The following HDAC6 variants were observed in gnomAD, a reference collection of about 807,000 sequenced individuals.
HDAC6 encodes protein deacetylase HDAC6.
HDAC6 carries 5 observed loss-of-function variants against 88.9 expected under a neutral mutation model. The ratio of observed to expected loss-of-function variants is 0.06; its 90% CI spans 0.03 to 0.12. The LOEUF (loss-of-function observed/expected upper bound fraction) is 0.12. Among genes scored for constraint, HDAC6 ranks in the 10% least tolerant of loss-of-function variants. HDAC6 has a pLI of 1.00. For missense variants in HDAC6, 706 were observed against 1,014.4 expected, an observed-to-expected ratio of 0.70 and a Z score of 4.13; for synonymous variants, 378 against 398.0, an observed-to-expected ratio of 0.95 and a Z score of 0.60.
At chrX:48,807,420 T>G (rs1292865284) in intron 8 of HDAC6, among the ~76,000 whole-genome samples, 1 of 113,393 alleles carries the variant, frequency 8.8e-6, no homozygotes, top group Non-Finnish European at 1.9e-5. Context: ...AAAATGTTAC[T>G]TCACCCTTTT....
At chrX:48,820,016 C>A in intron 22 of HDAC6, 90 bp from the exon 23 acceptor site, 1 of 946,170 alleles carries the variant, frequency 1.1e-6, no homozygotes, top group Non-Finnish European at 1.5e-6. Context: ...TTCATTTGTC[C>A]TTTTCTCCAT....
chrX:48,804,247 C>T (rs1325904037), intron 4 of HDAC6, among the ~76,000 whole-genome samples: 3 of 112,109 alleles, frequency 2.7e-5, no homozygotes, highest in African/African-American at 9.7e-5. Context: ...ATCCTGGCCT[C>T]AAAGGTTCCA....
Position 48,824,966 on chromosome X carries a change from C to G in HDAC6, c.*354C>G, listed in dbSNP as rs954849565. 18 of 1,008,423 alleles carry G rather than the reference C, an allele frequency of 1.8e-5. No homozygotes were observed. Among genetic ancestry groups the G allele is most frequent in the Non-Finnish European group, 2.3e-5 (18 of 781,181 alleles). 83.1% of individuals were successfully genotyped at this position (1,008,423 alleles called of 1,213,427 possible). ...GGTTGCATATGTAATAAAGTACAAG[C>G]TGTTAAAAAACCTGGAGAAAGCTTT... On this transcript the variant is annotated 3_prime_UTR_variant, in exon 29 of 29. Coordinates refer to ENST00000334136, the MANE Select transcript of HDAC6 (RefSeq NM_006044.4).
Position 48,820,223 on chromosome X carries a change from C to T in HDAC6, c.2305C>T (p.Leu769Phe). 8.3e-7 allele frequency: 1 copy of T among 1,203,260 alleles called. No individual in the cohort carries two copies. Among genetic ancestry groups the T allele is most frequent in the Non-Finnish European group, 1.1e-6 (1 of 890,745 alleles). The change falls in exon 23 of 29, where the codon CTT becomes TTT. Residue 769 changes from leucine to phenylalanine, a missense_variant. Leu to Phe is a conservative substitution (Grantham distance 22, BLOSUM62 0). Transcript: ENST00000334136. ...YAHLTHLLMG[L>F]ASGRIILILE... ...CCACCTCACCCACCTGCTGATGGGC[C>T]TTGCCAGTGGCCGCATTATCCTTAT...
rs781946147 is a variant in HDAC6, at chrX:48,818,326, G to A, written c.2101G>A (p.Val701Ile). Reference protein sequence around the residue: ...IGRAAGTGFTVNVAWNGPRMG... With the variant: ...IGRAAGTGFTINVAWNGPRMG... ...CCGGGCTGCGGGCACAGGCTTCACC[G>A]TCAACGTGGCATGGAACGGGCCCCG... Residue 701 changes from valine (V) to isoleucine (I), a missense_variant, in exon 22 of 29, where the codon GTC (valine) becomes ATC (isoleucine). Val to Ile is a conservative substitution (Grantham distance 29). This residue lies in a region of HDAC6 where 138 missense variants were observed against 303.5 expected (regional missense o/e 0.45). Coordinates refer to ENST00000334136, the MANE Select transcript of HDAC6 (RefSeq NM_006044.4). 1.3e-5 allele frequency: 16 copies of A among 1,204,948 alleles called. No homozygotes were observed. Among genetic ancestry groups the A allele is most frequent in the Middle Eastern group, 2.3e-4 (1 of 4,344 alleles).
At position 48,805,513 on chromosome X, in the gene HDAC6, G is replaced by C. The variant is rs781795232; in HGVS notation, c.387G>C (p.Val129=). The change falls in exon 5 of 29, where the codon GTG becomes GTC. Residue 129 remains valine, a synonymous_variant. Coordinates refer to ENST00000334136, the MANE Select transcript of HDAC6 (RefSeq NM_006044.4). ...LIQEGLLDRC[V]SFQARFAEKE... is the part of the protein sequence containing the mutation. ...AGGAGGGCCTCCTAGATCGCTGCGTGTCCTTTCAGGTAAGGCCCCCAAGCC... is the reference window on the plus strand; with the variant it reads ...AGGAGGGCCTCCTAGATCGCTGCGTCTCCTTTCAGGTAAGGCCCCCAAGCC... The C allele has an allele frequency of 1.7e-6, 2 of 1,205,621 alleles. No homozygotes were observed. The highest frequency in any genetic ancestry group is 4.4e-5 in the Admixed American group (2 of 45,592).
intron 10 of HDAC6, among the ~76,000 whole-genome samples, chrX:48,810,291 G>A (rs1412901517): frequency 9.1e-6 from 1 of 109,776 alleles, no homozygotes; most frequent in Non-Finnish European, 1.9e-5. Flanking sequence ...TGCCCAGACT[G>A]GTCTCGAACT....
chrX:48,819,475 CAT>C (rs2063044691), intron 22 of HDAC6: 1 of 134,230 alleles, frequency 7.4e-6, no homozygotes, highest in African/African-American at 3.3e-5. Context: ...TGTGTGAGGA[CAT>C]GTCTCTGTCT....
Position 48,816,122 on chromosome X carries a change from C to T in HDAC6, c.1494-19C>T. 1 of 1,210,977 alleles carries T rather than the reference C, an allele frequency of 8.3e-7. No homozygotes were observed. The highest frequency in any genetic ancestry group is 2.3e-4 in the Middle Eastern group (1 of 4,353). On this transcript the variant is annotated intron_variant, in intron 17 of 28. Transcript: ENST00000334136. ...CCCCTCAGGCACTAAGCCTCTACCT[C>T]TCGTTTCCCCACTGCTAGCCACCAC...
chrX:48,819,194 T>C (rs2063039258), intron 22 of HDAC6, among the ~76,000 whole-genome samples: 1 of 112,283 alleles, frequency 8.9e-6, no homozygotes, highest in Non-Finnish European at 1.9e-5. Flanking sequence ...GGTGATGGCA[T>C]GTGTATGTGA....
intron 4 of HDAC6, among the ~76,000 whole-genome samples, chrX:48,805,007 G>C (rs2062791052): frequency 9.0e-6 from 1 of 111,348 alleles, no homozygotes; most frequent in African/African-American, 3.3e-5. Context: ...TGTAGGTGAA[G>C]CGAAGCAAAG....
chrX:48,811,223 G>A (rs1557025845), intron 10 of HDAC6, among the ~76,000 whole-genome samples: 1 of 111,907 alleles, frequency 8.9e-6, no homozygotes, highest in Non-Finnish European at 1.9e-5. Context: ...AGAATCGCTT[G>A]AACCCAGGAG....
intron 22 of HDAC6, 73 bp downstream of exon 22, chrX:48,818,485 G>C: frequency 1.1e-6 from 1 of 881,902 alleles, no homozygotes; most frequent in Non-Finnish European, 1.6e-6. Context: ...TGCCTCCTTG[G>C]CATGTGTGTG....
chrX:48,815,002 C>G lies in HDAC6; in HGVS notation c.1100C>G (p.Thr367Ser). 8.3e-7 allele frequency: 1 copy of G among 1,208,041 alleles called. No homozygotes were observed. The highest frequency in any genetic ancestry group is 1.1e-6 in the Non-Finnish European group (1 of 893,618). The change falls in exon 14 of 29, where the codon ACC (threonine) becomes AGC (serine). Residue 367 changes from threonine to serine, a missense_variant. Transcript: ENST00000334136. The part of the protein sequence containing the change: ...AATPAGFAQL[T>S]HLLMGLAGGK... ...ACTCCGGCAGGGTTCGCCCAGCTAA[C>G]CCACCTGCTCATGGGTCTGGCAGGA...
rs1453359183 is a variant in HDAC6, at chrX:48,818,197, G to A, written c.1995-23G>A. ...TGGAGCCCCTAACCAGCCATGGTCC[G>A]CTTCCCACCCCCTCCCTGGCAGTGT... On this transcript the variant is annotated intron_variant, in intron 21 of 28. Transcript: ENST00000334136. 6.8e-6 allele frequency: 8 copies of A among 1,173,827 alleles called. No homozygotes were observed. The African/African-American group carries it at 7.1e-5, about 10-fold the overall frequency.
At chrX:48,824,324 G>A (rs782229341) in intron 28 of HDAC6, 30 bp downstream of exon 28, 6 of 1,193,103 alleles carry the variant, frequency 5.0e-6, no homozygotes, top group Non-Finnish European at 5.6e-6. Context: ...TTCGACACGT[G>A]CACACTCACC....
rs782340408 is a variant in HDAC6 at position 48,823,051 on chromosome X, G to A, written c.2652G>A (p.Ser884=). The A allele has an allele frequency of 3.6e-5, 44 of 1,209,239 alleles. No homozygotes were observed. Among genetic ancestry groups the A allele is most frequent in the Non-Finnish European group, 4.7e-5 (42 of 894,875 alleles). The change falls in exon 25 of 29, where the codon TCG becomes TCA. Residue 884 remains serine (S), a synonymous_variant. Transcript: ENST00000334136. ...VLEAGMGKVT[S]ASFGEESTPG... is the part of the protein sequence containing the mutation. ...AAGCAGGCATGGGGAAAGTCACCTCGGCATCATTTGGGGAAGAGTCCACTC... is the reference window on the plus strand; with the variant it reads ...AAGCAGGCATGGGGAAAGTCACCTCAGCATCATTTGGGGAAGAGTCCACTC...
chrX:48,804,307 G>A (rs1201189266), intron 4 of HDAC6, among the ~76,000 whole-genome samples: 1 of 111,157 alleles, frequency 9.0e-6, no homozygotes, highest in Non-Finnish European at 1.9e-5. Context: ...AATCCTTCTC[G>A]CCCACACTAC....
chrX:48,802,704 C>A lies in HDAC6; in HGVS notation c.12C>A (p.Thr4=), dbSNP rs1557022771. 4.1e-6 allele frequency: 5 copies of A among 1,205,667 alleles called. No homozygotes were observed. The highest frequency in any genetic ancestry group is 5.6e-6 in the Non-Finnish European group (5 of 893,137). ...AAGCCTCCTCAACTATGACCTCAAC[C>A]GGCCAGGATTCCACCACAACCAGGC... MTS[T]GQDSTTTRQR... The change falls in exon 2 of 29, where the codon ACC becomes ACA. Residue 4 remains threonine (T), a synonymous_variant. Transcript: ENST00000334136.
Sources: allele counts gnomAD v4.1 joint callset (sites outside exome capture counted in the v4.1 genomes callset), GRCh38; gene constraint gnomAD v4.1.1; regional missense constraint gnomAD v4.1.1; transcripts MANE v1.5; gene names NCBI Gene and HGNC (gene_info 2026-07-23, HGNC 2026-07-21).